The following EPB41L3 variants were observed in gnomAD, a reference collection of about 807,000 sequenced individuals.
EPB41L3 encodes the protein band 4.1-like protein 3.
In EPB41L3, 57 loss-of-function variants were observed where a neutral mutation model predicts 127.1. The observed-to-expected ratio is 0.45, with a 90% CI of 0.36 to 0.56. The LOEUF (loss-of-function observed/expected upper bound fraction) is 0.56. Ranked by LOEUF, EPB41L3 falls within the 20% of genes least tolerant of loss-of-function variation. The probability of loss-of-function intolerance (pLI) is 0.00; values close to 1 mark genes in which losing one functional copy is unlikely to be tolerated. For synonymous variants in EPB41L3, 572 were observed against 549.5 expected (o/e 1.04, Z -0.57); for missense variants, 1,273 against 1,372.2 (o/e 0.93, Z 1.14).
At position 5,430,719 on chromosome 18, in the gene EPB41L3, A is replaced by G. The variant is rs563491557; in HGVS notation, c.913-2254T>C. ...GCTGGAACCACAGGCACGTGCCACCACACTCGACATTTTTTTTTTTTTTGG... is the reference window on the plus strand; with the variant it reads ...GCTGGAACCACAGGCACGTGCCACCGCACTCGACATTTTTTTTTTTTTTGG... On this transcript the variant is annotated intron_variant, in intron 8 of 22. Coordinates refer to ENST00000341928, the MANE Select transcript of EPB41L3 (RefSeq NM_012307.5). 1.3e-4 allele frequency among the ~76,000 whole-genome samples: 19 copies of G among 148,242 alleles called. No homozygotes were observed. The East Asian group carries it at 3.6e-3, about 28-fold the overall frequency.
intron 6 of EPB41L3, among the ~76,000 whole-genome samples, chr18:5,437,027 G>T (rs1568171280): frequency 6.6e-6 from 1 of 152,150 alleles, no homozygotes; most frequent in South Asian, 2.1e-4. Flanking sequence ...GCTTTGACTG[G>T]TCATAAACTT....
chr18:5,598,013 T>C (rs569969231), intron 3 of EPB41L3, among the ~76,000 whole-genome samples: 5 of 152,300 alleles, frequency 3.3e-5, no homozygotes, highest in African/African-American at 7.2e-5. Flanking sequence ...CTGTCAAAGA[T>C]GAAGTAACTT....
chr18:5,585,541 G>T (rs1257830332), intron 3 of EPB41L3, among the ~76,000 whole-genome samples: 1 of 152,070 alleles, frequency 6.6e-6, no homozygotes, highest in Non-Finnish European at 1.5e-5. Context: ...TTTAAAACAA[G>T]CAATGCAAGT....
rs2082173981 is a variant in EPB41L3, at chr18:5,450,643, A to G, written c.382-5399T>C. Among the ~76,000 whole-genome samples the G allele has an allele frequency of 2.2e-5, 3 of 137,488 alleles. No homozygotes were observed. In the Admixed American group the frequency reaches 2.3e-4, roughly 11 times the overall value. 90.2% of individuals were successfully genotyped at this position (137,488 alleles called of 152,430 possible). A position where few individuals can be genotyped will look rare whatever the true frequency, so the allele number is the denominator to read the frequency against. On this transcript the variant is annotated intron_variant, in intron 3 of 22. Coordinates refer to ENST00000341928, the MANE Select transcript of EPB41L3 (RefSeq NM_012307.5). ...AAATAATTAATTAAAAAGGTTAGTAAAAAAAAAAGTTAACCTCCAAATGAT... is the reference window on the plus strand; with the variant it reads ...AAATAATTAATTAAAAAGGTTAGTAGAAAAAAAAGTTAACCTCCAAATGAT...
intron 1 of EPB41L3, among the ~76,000 whole-genome samples, chr18:5,502,011 C>G (rs2091787992): frequency 6.6e-6 from 1 of 151,456 alleles, no homozygotes; most frequent in African/African-American, 2.4e-5. Flanking sequence ...TAAGAGACAG[C>G]TGGCTCAGTC....
chr18:5,624,150 G>A (rs1016627245), intron 1 of EPB41L3, among the ~76,000 whole-genome samples: 3 of 152,076 alleles, frequency 2.0e-5, no homozygotes, highest in Non-Finnish European at 4.4e-5. Flanking sequence ...CTACAGCCCT[G>A]TGCCAACATG....
Position 5,393,489 on chromosome 18 carries a change from G to T in EPB41L3, c.*7-11C>A. On this transcript the variant is annotated splice_polypyrimidine_tract_variant and intron_variant, in intron 22 of 22. Coordinates refer to ENST00000341928, the MANE Select transcript of EPB41L3 (RefSeq NM_012307.5). Reference sequence around the variant, plus strand: ...CAAGCTAAGTTATTCCTGCAAAAAAGACATTTGATTAGTTACTCATTTGAA... The same window carrying T: ...CAAGCTAAGTTATTCCTGCAAAAAATACATTTGATTAGTTACTCATTTGAA... 1.4e-6 allele frequency: 1 copy of T among 701,196 alleles called. No individual in the cohort carries two copies. The highest frequency in any genetic ancestry group is 1.5e-5 in the South Asian group (1 of 67,262). 43.4% of individuals were successfully genotyped at this position (701,196 alleles called of 1,614,324 possible).
chr18:5,397,089 G>A lies in EPB41L3; in HGVS notation c.2810C>T (p.Ser937Leu). 1 of 1,604,534 alleles carries A rather than the reference G, an allele frequency of 6.2e-7. No homozygotes were observed. The change falls in exon 18 of 23, where the codon TCA (serine) becomes TTA (leucine). Residue 937 changes from serine to leucine, a missense_variant. Ser to Leu is a moderately radical substitution (Grantham distance 145). This residue lies in a region of EPB41L3 where 765 missense variants were observed against 782.9 expected (regional missense o/e 0.98). Coordinates refer to ENST00000341928, the MANE Select transcript of EPB41L3 (RefSeq NM_012307.5). The surrounding 1 kb of genome is among the most constrained non-coding windows in gnomAD (Gnocchi z 4.1). ...QEEQSAAIHI[S>L]ETLEQKPHFE... Reference sequence around the variant, plus strand: ...ATGAGGTTTTTGTTCCAAAGTTTCTGAAATGTGGATGGCTGCACTCTGCTC... The same window carrying A: ...ATGAGGTTTTTGTTCCAAAGTTTCTAAAATGTGGATGGCTGCACTCTGCTC...
intron 8 of EPB41L3, among the ~76,000 whole-genome samples, chr18:5,433,226 G>A (rs1015878349): frequency 1.3e-5 from 2 of 152,252 alleles, no homozygotes; most frequent in East Asian, 1.9e-4. Flanking sequence ...TGCCTATCAC[G>A]GGCTTTCAGA....
At chr18:5,612,676 G>A (rs978310942) in intron 2 of EPB41L3, among the ~76,000 whole-genome samples, 4 of 152,198 alleles carry the variant, frequency 2.6e-5, no homozygotes, top group Admixed American at 1.3e-4. Context: ...AGAAAAAAAG[G>A]AATATATTGG....
At chr18:5,557,597 G>A (rs920090769) in intron 3 of EPB41L3, among the ~76,000 whole-genome samples, 6 of 152,042 alleles carry the variant, frequency 3.9e-5, no homozygotes, top group Non-Finnish European at 5.9e-5. Context: ...GGTTGGCCAG[G>A]CTGGTCTTGA....
At chr18:5,521,940 T>C (rs2093007750) in intron 1 of EPB41L3, among the ~76,000 whole-genome samples, 2 of 152,164 alleles carry the variant, frequency 1.3e-5, no homozygotes, top group African/African-American at 2.4e-5. Context: ...ATCTCAACAC[T>C]AGCCATAATA....
At chr18:5,625,519 T>C (rs2094913837) in intron 1 of EPB41L3, among the ~76,000 whole-genome samples, 1 of 152,184 alleles carries the variant, frequency 6.6e-6, no homozygotes, top group South Asian at 2.1e-4. Flanking sequence ...TGAATGAAAT[T>C]TTTAAACATA....
intron 3 of EPB41L3, among the ~76,000 whole-genome samples, chr18:5,554,252 G>T (rs2094003831): frequency 1.3e-5 from 2 of 152,016 alleles, no homozygotes; most frequent in Admixed American, 1.3e-4. Context: ...CCAGACATAA[G>T]TCCCACAAAA....
intron 1 of EPB41L3, among the ~76,000 whole-genome samples, chr18:5,540,772 G>A (rs972750829): frequency 1.3e-5 from 2 of 152,070 alleles, no homozygotes; most frequent in Non-Finnish European, 2.9e-5. Context: ...ATTAAAGACG[G>A]CCAGGGTAGA....
chr18:5,541,042 A>C (rs528709075), intron 1 of EPB41L3, among the ~76,000 whole-genome samples: 2 of 137,176 alleles, frequency 1.5e-5, no homozygotes, highest in Admixed American at 8.0e-5. Context: ...CCGAGATCGC[A>C]CCACTGCACT....
intron 13 of EPB41L3, among the ~76,000 whole-genome samples, chr18:5,414,071 T>C (rs942401592): frequency 6.6e-6 from 1 of 152,244 alleles, no homozygotes; most frequent in Non-Finnish European, 1.5e-5. Context: ...AGCAATCTTT[T>C]CTGCCTTATG....
intron 1 of EPB41L3, among the ~76,000 whole-genome samples, chr18:5,542,505 G>T (rs1208843372): frequency 1.3e-5 from 2 of 151,780 alleles, no homozygotes; most frequent in African/African-American, 2.4e-5. Context: ...GACAGGCAGG[G>T]TATCTGCAAA....
At chr18:5,408,136 A>ATCCCGCCCTATGAGGTTAGTGATTATGAT (rs2075716969) in intron 14 of EPB41L3, among the ~76,000 whole-genome samples, 1 of 152,214 alleles carries the variant, frequency 6.6e-6, no homozygotes, top group Non-Finnish European at 1.5e-5. Flanking sequence ...TAGTGTATGA[A>ATCCCGCCCTATGAGGTTAGTGATTATGAT]TCCCGCCCTA....
Sources: allele counts gnomAD v4.1 joint callset (sites outside exome capture counted in the v4.1 genomes callset), GRCh38; gene constraint gnomAD v4.1.1; regional missense constraint gnomAD v4.1.1; non-coding constraint Gnocchi (gnomAD v3.1); transcripts MANE v1.5; gene names NCBI Gene and HGNC (gene_info 2026-07-23, HGNC 2026-07-21).